Variants in NRG1 observed in about 807,000 individuals in gnomAD.
NRG1 encodes neuregulin 1, also known as pro-neuregulin-1, membrane-bound isoform.
A neutral mutation model predicts 63.8 loss-of-function variants in NRG1; 18 were observed. The observed-to-expected ratio is 0.28, with a 90% confidence interval of 0.19 to 0.42. The LOEUF (loss-of-function observed/expected upper bound fraction) is 0.42, where lower values mean the gene tolerates loss of function less well. NRG1 is among the 10% of genes least tolerant of loss of function. The pLI, the probability that NRG1 is intolerant of heterozygous loss-of-function variation, is 1.00. For synonymous variants in NRG1, 302 were observed against 301.3 expected (o/e 1.00, Z -0.02); for missense variants, 762 against 814.7 (o/e 0.94, Z 0.79).
At chr8:32,199,497 G>T (rs1843285297) in intron 1 of NRG1, among the ~76,000 whole-genome samples, 1 of 152,086 alleles carries the variant, frequency 6.6e-6, no homozygotes, top group Non-Finnish European at 1.5e-5. Context: ...TTTTTCAGCA[G>T]CTTCTAAATT....
intron 1 of NRG1, among the ~76,000 whole-genome samples, chr8:32,021,336 G>A (rs1480454133): frequency 1.3e-5 from 2 of 152,176 alleles, no homozygotes; most frequent in African/African-American, 2.4e-5. Flanking sequence ...GAAGGTCAAA[G>A]AGGATGCAGA....
chr8:32,204,037 T>C (rs965891395), intron 1 of NRG1, among the ~76,000 whole-genome samples: 6 of 151,476 alleles, frequency 4.0e-5, no homozygotes. Context: ...TGAGTAGAGA[T>C]ATCTCCTAGA....
chr8:32,025,944 T>TAAA (rs71208160), intron 1 of NRG1, among the ~76,000 whole-genome samples: 13 of 113,444 alleles, frequency 1.1e-4, no homozygotes, highest in East Asian at 2.5e-4. Context: ...AGACTCCGTC[T>TAAA]AAAAAAAAAA....
chr8:31,724,900 G>A (rs1324557573), intron 1 of NRG1, among the ~76,000 whole-genome samples: 2 of 152,084 alleles, frequency 1.3e-5, no homozygotes, highest in African/African-American at 2.4e-5. Flanking sequence ...AATATTTTAT[G>A]CTTTTGTGAA....
intron 1 of NRG1, among the ~76,000 whole-genome samples, chr8:31,754,186 T>C (rs1028508557): frequency 2.6e-5 from 4 of 152,094 alleles, no homozygotes; most frequent in African/African-American, 9.7e-5. Context: ...GGGATTCCCA[T>C]GTAATATAGT....
chr8:31,756,356 G>A (rs563836450), intron 1 of NRG1, among the ~76,000 whole-genome samples: 3 of 152,032 alleles, frequency 2.0e-5, no homozygotes, highest in Non-Finnish European at 4.4e-5. Context: ...GGTCTGTTAA[G>A]GGCAAAGGAG....
chr8:32,563,248 G>A (rs1218626133), intron 1 of NRG1, among the ~76,000 whole-genome samples: 1 of 152,170 alleles, frequency 6.6e-6, no homozygotes, highest in African/African-American at 2.4e-5. Flanking sequence ...AGAGTCTTTA[G>A]TAGTGACTAT....
intron 1 of NRG1, among the ~76,000 whole-genome samples, chr8:31,646,689 G>C (rs1804320944): frequency 6.6e-6 from 1 of 152,202 alleles, no homozygotes; most frequent in South Asian, 2.1e-4. Flanking sequence ...TTTATGTGTA[G>C]ATTAAATTCC....
chr8:31,665,878 T>C (rs1205661879), intron 1 of NRG1, among the ~76,000 whole-genome samples: 2 of 152,156 alleles, frequency 1.3e-5, no homozygotes, highest in African/African-American at 4.8e-5. Context: ...CAGCAGAGCA[T>C]GAACTCTGCT....
intron 1 of NRG1, among the ~76,000 whole-genome samples, chr8:31,833,960 A>G (rs1825421974): frequency 6.6e-6 from 1 of 152,214 alleles, no homozygotes; most frequent in South Asian, 2.1e-4. Flanking sequence ...TCAAACCAGC[A>G]TGATTCTATT....
chr8:32,317,342 G>A (rs902966691), intron 1 of NRG1, among the ~76,000 whole-genome samples: 9 of 150,880 alleles, frequency 6.0e-5, no homozygotes, highest in Non-Finnish European at 1.0e-4. Flanking sequence ...ACACTCAGGA[G>A]AAAGTGCATG....
At chr8:32,772,344 A>T (rs1359469616), downstream of NRG1, among the ~76,000 whole-genome samples, 13 of 151,964 alleles carry the variant, frequency 8.6e-5, no homozygotes, top group Admixed American at 8.5e-4. Context: ...AAGTGACTTA[A>T]ACTCTGATAT....
At chr8:32,678,625 C>T (rs1158353086) in intron 5 of NRG1, among the ~76,000 whole-genome samples, 2 of 152,114 alleles carry the variant, frequency 1.3e-5, no homozygotes, top group East Asian at 1.9e-4. Context: ...GCTCCTGTCT[C>T]GATCAATTGC....
rs149374668 is a variant in NRG1, at chr8:32,755,561, C to T, written c.795-842C>T. ...ATTCGCTGCCTAATTGCACAAAAAG[C>T]GTTACCAGAGTAGGAACATGTTACG... On this transcript the variant is annotated intron_variant, in intron 8 of 11. Coordinates refer to ENST00000356819, the Ensembl canonical transcript of NRG1. Among the ~76,000 whole-genome samples, 957 of 152,214 alleles carry T rather than the reference C, an allele frequency of 6.3e-3. 7 individuals carry two copies. The highest frequency in any genetic ancestry group is 0.025 in the South Asian group (122 of 4,806).
intron 6 of NRG1, among the ~76,000 whole-genome samples, chr8:32,733,022 G>T (rs1363530132): frequency 2.6e-5 from 4 of 151,942 alleles, no homozygotes; most frequent in African/African-American, 9.7e-5. Flanking sequence ...GGTCAGGCTG[G>T]CCTCAAACTC....
intron 1 of NRG1, among the ~76,000 whole-genome samples, chr8:32,340,686 G>A (rs1803962031): frequency 6.6e-6 from 1 of 152,114 alleles, no homozygotes; most frequent in Admixed American, 6.6e-5. Flanking sequence ...CAAAGAATGA[G>A]GGACTCTGAA....
chr8:32,739,408 C>G (rs192316406), intron 6 of NRG1, among the ~76,000 whole-genome samples: 1 of 152,214 alleles, frequency 6.6e-6, no homozygotes, highest in East Asian at 1.9e-4. Context: ...AATTCATCTC[C>G]CAAATGAAGA....
Position 32,162,531 on chromosome 8 carries a change from C to A in NRG1, c.38-433297C>A, listed in dbSNP as rs141645504. ...AAAAACCTCTAAGAACAAAATTACT[C>A]CATTTAATTAAATTAAACAGACAAA... On this transcript the variant is annotated intron_variant, in intron 1 of 10. Transcript: ENST00000519301. Among the ~76,000 whole-genome samples, 15 of 152,162 alleles carry A rather than the reference C, an allele frequency of 9.9e-5. No homozygotes were observed. In the East Asian group the frequency reaches 2.9e-3, roughly 29 times the overall value.
chr8:32,354,863 C>A, intron 1 of NRG1, among the ~76,000 whole-genome samples: 1 of 147,128 alleles, frequency 6.8e-6, no homozygotes. Context: ...GTCTAGAACA[C>A]CAAATATTAA....
Sources: gnomAD v4.1 joint callset for allele counts (sites outside exome capture counted in the v4.1 genomes callset) on GRCh38, gnomAD v4.1.1 for gene constraint, MANE v1.5 for transcripts, NCBI Gene and HGNC (gene_info 2026-07-23, HGNC 2026-07-21) for gene names.